Variants in WFDC5 observed in about 807,000 individuals in gnomAD.
WFDC5 encodes WAP four-disulfide core domain protein 5.
In WFDC5, 15 loss-of-function variants were observed where a neutral mutation model predicts 15.7. The observed-to-expected ratio is 0.96, with a 90% CI of 0.64 to 1.47. The LOEUF is 1.47. Ranked by LOEUF, WFDC5 falls within the 40% of genes most tolerant of loss-of-function variation. WFDC5 has a pLI of 0.00. For missense variants in WFDC5, 280 were observed against 258.0 expected, an observed-to-expected ratio of 1.09 and a Z score of -0.59; for synonymous variants, 109 against 107.7, an observed-to-expected ratio of 1.01 and a Z score of -0.07.
chr20:45,114,643 T>C (rs1354522463), intron 1 of WFDC5, among the ~76,000 whole-genome samples: 1 of 151,356 alleles, frequency 6.6e-6, no homozygotes, highest in Non-Finnish European at 1.5e-5. Flanking sequence ...AGACAGAGCT[T>C]TGCACAGACA....
At position 45,110,629 on chromosome 20, in the gene WFDC5, A is replaced by C. The variant is rs1370289767; in HGVS notation, c.226+6T>G. 6.2e-7 allele frequency: 1 copy of C among 1,614,002 alleles called. No individual in the cohort carries two copies. The highest frequency in any genetic ancestry group is 8.5e-7 in the Non-Finnish European group (1 of 1,179,942). On this transcript the variant is annotated splice_donor_region_variant and intron_variant, in intron 2 of 3. Transcript: ENST00000307971. ...ATGGTCAGCAAGGTGGAGGGGAGGC[A>C]TTTACCAGAGACCCTGGGGACACAC...
chr20:45,109,510 A>G, exon 4 of WFDC5: 1 of 522,658 alleles, frequency 1.9e-6, no homozygotes, highest in East Asian at 2.9e-5. Context: ...AGCCATTTAA[A>G]GAAAACATTA....
Position 45,109,976 on chromosome 20 carries a change from C to A in WFDC5, c.431G>T (p.Ser144Ile), listed in dbSNP as rs745724825. Residue 144 changes from serine to isoleucine, a missense_variant, in exon 4 of 4, where the codon AGC becomes ATC. Coordinates refer to ENST00000307971, the Ensembl canonical transcript of WFDC5. ...GTGAACTCTTTCCGTTGGTCCCCAG[C>A]TTAGGTGCAGAGCCACAGATCCTAA... 10 of 1,614,148 alleles carry A rather than the reference C, an allele frequency of 6.2e-6. No homozygotes were observed. In the East Asian group the frequency reaches 2.2e-4, roughly 36 times the overall value.
In WFDC5 at chr20:45,113,359, T is replaced by G. The variant is rs1315414111; in HGVS notation, c.85+1640A>C. On this transcript the variant is annotated intron_variant, in intron 1 of 3. Coordinates refer to ENST00000307971, the Ensembl canonical transcript of WFDC5. Reference sequence around the variant, plus strand: ...CAATGTCTTACAGGAGAGAAACCAGTGGGGGACAAGGTGTGGTGAACTGGG... The same window carrying G: ...CAATGTCTTACAGGAGAGAAACCAGGGGGGGACAAGGTGTGGTGAACTGGG... 2.6e-5 allele frequency among the ~76,000 whole-genome samples: 4 copies of G among 152,152 alleles called. No individual in the cohort carries two copies. In the East Asian group the frequency reaches 7.7e-4, roughly 29 times the overall value.
upstream of WFDC5, among the ~76,000 whole-genome samples, chr20:45,115,326 C>T (rs1379860499): frequency 8.5e-5 from 13 of 152,178 alleles, no homozygotes; most frequent in Admixed American, 8.5e-4. Context: ...TTGCCTGTAT[C>T]GGTGACTTGG....
chr20:45,114,988 C>T lies in WFDC5; in HGVS notation c.85+11G>A, dbSNP rs1981720851. ...TCTGGTCCCCCCAGCAGAGGGATTT[C>T]CCGCACTCACCTCCCTTCTTCCTGC... On this transcript the variant is annotated intron_variant, in intron 1 of 3. Coordinates refer to ENST00000307971, the Ensembl canonical transcript of WFDC5. The T allele has an allele frequency of 6.2e-7, 1 of 1,612,886 alleles. No individual in the cohort carries two copies. The highest frequency in any genetic ancestry group is 8.5e-7 in the Non-Finnish European group (1 of 1,179,504).
exon 4 of WFDC5, chr20:45,109,827 G>A: frequency 1.2e-6 from 1 of 865,736 alleles, no homozygotes; most frequent in South Asian, 1.4e-5. Context: ...TTGACTCCCA[G>A]GAGGAGAAAC....
intron 1 of WFDC5, among the ~76,000 whole-genome samples, chr20:45,111,550 G>C (rs534319408): frequency 6.6e-6 from 1 of 152,324 alleles, no homozygotes; most frequent in Admixed American, 6.5e-5. Flanking sequence ...AGCTGGCCAC[G>C]TCTTCTGCAC....
intron 1 of WFDC5, among the ~76,000 whole-genome samples, chr20:45,113,373 T>A (rs759746969): frequency 1.1e-4 from 16 of 152,182 alleles, no homozygotes; most frequent in Non-Finnish European, 1.8e-4. Flanking sequence ...GGACAAGGTG[T>A]GGTGAACTGG....
chr20:45,112,564 A>G (rs1300559325), intron 1 of WFDC5, among the ~76,000 whole-genome samples: 1 of 152,218 alleles, frequency 6.6e-6, no homozygotes, highest in African/African-American at 2.4e-5. Flanking sequence ...GTACATCGAG[A>G]CAGTCACACA....
At chr20:45,114,631 GCAGA>G (rs1407257562) in intron 1 of WFDC5, among the ~76,000 whole-genome samples, 1 of 151,878 alleles carries the variant, frequency 6.6e-6, no homozygotes, top group South Asian at 2.1e-4. Context: ...GTGTACGTGT[GCAGA>G]CAGAGCTTTG....
intron 1 of WFDC5, 85 bp downstream of exon 1, chr20:45,114,914 T>C: frequency 6.9e-7 from 1 of 1,457,130 alleles, no homozygotes; most frequent in Non-Finnish European, 9.4e-7. Context: ...CCACAGGGCA[T>C]TACCTGCCTT....
chr20:45,110,672 G>T lies in WFDC5; in HGVS notation c.189C>A (p.Tyr63Ter). ...GGACACACTGGCGGAAGCAAGCTCT[G>T]TAGCAGCACTTCCTGGTCAAGGGAC... The change falls in exon 2 of 4, where the codon TAC (tyrosine) becomes TAA (stop). Residue 63 changes from tyrosine to a stop codon, truncating the protein, a stop_gained. Transcript: ENST00000307971. LOFTEE classifies it high-confidence loss of function. 6.2e-7 allele frequency: 1 copy of T among 1,614,126 alleles called. No homozygotes were observed. Among genetic ancestry groups the T allele is most frequent in the East Asian group, 2.2e-5 (1 of 44,880 alleles).
chr20:45,112,220 C>A (rs1015423930), intron 1 of WFDC5, among the ~76,000 whole-genome samples: 1 of 152,086 alleles, frequency 6.6e-6, no homozygotes, highest in Non-Finnish European at 1.5e-5. Flanking sequence ...AAGGTTTAGC[C>A]CTGAATTCAC....
At chr20:45,109,963 C>A in exon 4 of WFDC5, 1 of 1,614,080 alleles carries the variant, frequency 6.2e-7, no homozygotes, top group Non-Finnish European at 8.5e-7. Flanking sequence ...GAACTCTTTC[C>A]GTTGGTCCCC....
At chr20:45,115,424 A>C (rs1981737935), upstream of WFDC5, among the ~76,000 whole-genome samples, 1 of 152,146 alleles carries the variant, frequency 6.6e-6, no homozygotes, top group Non-Finnish European at 1.5e-5. Flanking sequence ...GATGCTTGCT[A>C]TCCTGGCTCT....
chr20:45,110,314 T>C, intron 3 of WFDC5, 86 bp downstream of exon 3: 1 of 1,529,270 alleles, frequency 6.5e-7, no homozygotes, highest in Admixed American at 2.0e-5. Flanking sequence ...TGGGGAGGCA[T>C]CCTGTTAAGC....
exon 2 of WFDC5, chr20:45,110,691 A>G (rs1981591202): frequency 6.2e-7 from 1 of 1,614,188 alleles, no homozygotes; most frequent in Non-Finnish European, 8.5e-7. Context: ...CTTCCTGGTC[A>G]AGGGACACTG....
exon 4 of WFDC5, chr20:45,109,895 A>G (rs1981561435): frequency 4.8e-6 from 7 of 1,462,378 alleles, no homozygotes; most frequent in Non-Finnish European, 6.7e-6. Context: ...AGAAGGCTGG[A>G]ACCACCGCTG....
Sources: allele counts gnomAD v4.1 joint callset (sites outside exome capture counted in the v4.1 genomes callset), GRCh38; gene constraint gnomAD v4.1.1; transcripts MANE v1.5; gene names NCBI Gene and HGNC (gene_info 2026-07-23, HGNC 2026-07-21).